Variants in SSBP3 observed in about 807,000 individuals in gnomAD.
SSBP3 encodes the protein single stranded DNA binding protein 3, also known as single-stranded DNA-binding protein 3.
Under a neutral mutation model 69.6 loss-of-function variants are expected in SSBP3, and 5 were observed. That is an observed-to-expected ratio of 0.07 (90% CI 0.04 to 0.15). The LOEUF is 0.15. SSBP3 is among the 10% of genes least tolerant of loss of function. The pLI is 1.00. For synonymous variants in SSBP3, 196 were observed against 193.4 expected, an observed-to-expected ratio of 1.01 and a Z score of -0.11; for missense variants, 312 against 534.0, an observed-to-expected ratio of 0.58 and a Z score of 4.10.
intron 4 of SSBP3, among the ~76,000 whole-genome samples, chr1:54,397,187 T>C (rs1648954374): frequency 6.6e-6 from 1 of 152,212 alleles, no homozygotes; most frequent in Non-Finnish European, 1.5e-5. Flanking sequence ...GCCTGGCTTA[T>C]CACAGGGCAG....
intron 3 of SSBP3, among the ~76,000 whole-genome samples, chr1:54,402,941 C>A (rs1649414195): frequency 6.6e-6 from 1 of 152,188 alleles, no homozygotes; most frequent in Admixed American, 6.5e-5. Context: ...AAACCAAAGT[C>A]CTACTCCTGG....
chr1:54,260,104 C>T (rs1644992551), intron 5 of SSBP3, among the ~76,000 whole-genome samples: 2 of 152,050 alleles, frequency 1.3e-5, no homozygotes, highest in African/African-American at 4.8e-5. Context: ...TTAATGAAGG[C>T]GGGACATATT....
At chr1:54,249,121 A>T (rs1345752384) in intron 9 of SSBP3, among the ~76,000 whole-genome samples, 1 of 152,076 alleles carries the variant, frequency 6.6e-6, no homozygotes, top group African/African-American at 2.4e-5. Flanking sequence ...AGGGGCAGAC[A>T]TGATGAGACA....
At chr1:54,376,204 G>GT (rs906020666) in intron 4 of SSBP3, among the ~76,000 whole-genome samples, 3 of 151,816 alleles carry the variant, frequency 2.0e-5, no homozygotes, top group African/African-American at 7.3e-5. Flanking sequence ...GTGTGTGTGT[G>GT]TGTGTTTGTC....
intron 9 of SSBP3, among the ~76,000 whole-genome samples, chr1:54,248,664 G>A (rs1295171881): frequency 6.6e-6 from 1 of 152,144 alleles, no homozygotes; most frequent in African/African-American, 2.4e-5. Flanking sequence ...GCCCGTAGGT[G>A]ACCACAGACC....
chr1:54,312,387 C>T (rs539893627), intron 4 of SSBP3, among the ~76,000 whole-genome samples: 28 of 151,302 alleles, frequency 1.9e-4, no homozygotes, highest in Non-Finnish European at 2.8e-4. Context: ...GTCAGGAGTT[C>T]GAGACCAGCC....
chr1:54,410,538 G>A (rs1159551786), upstream of SSBP3, among the ~76,000 whole-genome samples: 2 of 152,168 alleles, frequency 1.3e-5, no homozygotes, highest in Non-Finnish European at 2.9e-5. Flanking sequence ...TTCTGCACCC[G>A]GCACGCTCAG....
intron 14 of SSBP3, among the ~76,000 whole-genome samples, chr1:54,232,518 C>T (rs199932916): frequency 5.7e-4 from 87 of 152,286 alleles, no homozygotes; most frequent in South Asian, 2.1e-3. Flanking sequence ...TCACCTGAGC[C>T]CAGGAGTGCA....
intron 5 of SSBP3, among the ~76,000 whole-genome samples, chr1:54,278,269 T>A (rs1165299779): frequency 1.3e-5 from 2 of 152,078 alleles, no homozygotes; most frequent in Non-Finnish European, 2.9e-5. Context: ...TAAACTCAGT[T>A]CAAACATTTA....
At chr1:54,385,596 A>G (rs1227797911) in intron 4 of SSBP3, among the ~76,000 whole-genome samples, 1 of 152,140 alleles carries the variant, frequency 6.6e-6, no homozygotes, top group African/African-American at 2.4e-5. Flanking sequence ...CCATTCATAA[A>G]TACTTCCTGC....
chr1:54,312,389 A>G (rs567638672), intron 4 of SSBP3, among the ~76,000 whole-genome samples: 1 of 152,112 alleles, frequency 6.6e-6, no homozygotes, highest in African/African-American at 2.4e-5. Context: ...CAGGAGTTCG[A>G]GACCAGCCTG....
chr1:54,380,671 G>A (rs569244266), intron 4 of SSBP3, among the ~76,000 whole-genome samples: 6 of 152,260 alleles, frequency 3.9e-5, no homozygotes, highest in South Asian at 4.1e-4. Flanking sequence ...CTGACTCACC[G>A]GAAAAGGTGG....
chr1:54,256,666 T>C (rs1433826518), intron 7 of SSBP3, among the ~76,000 whole-genome samples: 2 of 152,200 alleles, frequency 1.3e-5, no homozygotes, highest in African/African-American at 4.8e-5. Flanking sequence ...GATCTAAGCA[T>C]TCCTACGGGC....
At chr1:54,290,770 C>G (rs1383454460) in intron 4 of SSBP3, among the ~76,000 whole-genome samples, 1 of 152,204 alleles carries the variant, frequency 6.6e-6, no homozygotes, top group African/African-American at 2.4e-5. Flanking sequence ...GACGCAGGTC[C>G]CAGGCATGTG....
intron 4 of SSBP3, among the ~76,000 whole-genome samples, chr1:54,317,933 T>C (rs558517696): frequency 3.1e-4 from 47 of 152,206 alleles, no homozygotes; most frequent in African/African-American, 1.1e-3. Flanking sequence ...GCCTGGCTAA[T>C]TTTTTTGTAT....
chr1:54,261,037 C>A (rs1645009442), intron 5 of SSBP3, among the ~76,000 whole-genome samples: 1 of 152,234 alleles, frequency 6.6e-6, no homozygotes, highest in Non-Finnish European at 1.5e-5. Flanking sequence ...AACGGGCCAC[C>A]CACGTCCACA....
chr1:54,378,285 C>A (rs1360197137), intron 4 of SSBP3, among the ~76,000 whole-genome samples: 1 of 152,240 alleles, frequency 6.6e-6, no homozygotes, highest in Non-Finnish European at 1.5e-5. Context: ...CTAGTTATCG[C>A]TAATCCTTGC....
intron 4 of SSBP3, among the ~76,000 whole-genome samples, chr1:54,303,941 C>G (rs1330015294): frequency 6.6e-6 from 1 of 152,174 alleles, no homozygotes; most frequent in African/African-American, 2.4e-5. Context: ...ACCTGCAAGG[C>G]CCTCAGTACA....
exon 9 of SSBP3, chr1:54,251,649 G>T: frequency 6.4e-7 from 1 of 1,552,500 alleles, no homozygotes; most frequent in Admixed American, 2.0e-5. Flanking sequence ...CCATGCCTCG[G>T]GGAGGGTTCA....
Sources: gnomAD v4.1 joint callset for allele counts (sites outside exome capture counted in the v4.1 genomes callset) on GRCh38, gnomAD v4.1.1 for gene constraint, MANE v1.5 for transcripts, NCBI Gene and HGNC (gene_info 2026-07-23, HGNC 2026-07-21) for gene names.